The following FAM114A2 variants were observed in gnomAD, a reference collection of about 807,000 sequenced individuals.
FAM114A2 encodes the protein family with sequence similarity 114 member A2, also known as protein FAM114A2.
Under a neutral mutation model 58.4 loss-of-function variants are expected in FAM114A2, and 53 were observed. The observed-to-expected ratio is 0.91, with a 90% CI of 0.73 to 1.14. The LOEUF (loss-of-function observed/expected upper bound fraction) is 1.14, where lower values mean the gene tolerates loss of function less well. Ranked by LOEUF, FAM114A2 falls within the 50% of genes most tolerant of loss-of-function variation. The pLI is 0.00. For synonymous variants in FAM114A2, 228 were observed against 211.4 expected (o/e 1.08, Z -0.68); for missense variants, 601 against 581.1 (o/e 1.03, Z -0.35).
At chr5:154,000,695 G>A (rs947502411) in intron 11 of FAM114A2, among the ~76,000 whole-genome samples, 1 of 152,032 alleles carries the variant, frequency 6.6e-6, no homozygotes. Context: ...ATCTGAGCAG[G>A]CACTCATGCT....
rs1461750105 is a variant in FAM114A2 at position 154,027,330 on chromosome 5, A to G, written c.635T>C (p.Leu212Ser). 3.7e-6 allele frequency: 6 copies of G among 1,609,674 alleles called. No homozygotes were observed. Among genetic ancestry groups the G allele is most frequent in the African/African-American group, 1.3e-5 (1 of 74,576 alleles). Reference sequence around the variant, plus strand: ...CTCTTCTTTCTCCTTCGCCTCTCGTAAAACCTAAAAAGAGATGGAGGCATT... The same window carrying G: ...CTCTTCTTTCTCCTTCGCCTCTCGTGAAACCTAAAAAGAGATGGAGGCATT... Reference protein sequence around the residue: ...MNRNATLSQVLREAKEKEEIR... With the variant: ...MNRNATLSQVSREAKEKEEIR... Residue 212 changes from leucine to serine, a missense_variant, in exon 7 of 14, where the codon TTA (leucine) becomes TCA (serine). Transcript: ENST00000351797.
chr5:154,022,231 A>G (rs988960214), intron 8 of FAM114A2, among the ~76,000 whole-genome samples: 45 of 152,358 alleles, frequency 3.0e-4, no homozygotes, highest in African/African-American at 1.1e-3. Flanking sequence ...ATGGGCAAGG[A>G]CTTCATGACT....
At chr5:154,015,959 C>G (rs529438406) in intron 8 of FAM114A2, among the ~76,000 whole-genome samples, 1 of 152,100 alleles carries the variant, frequency 6.6e-6, no homozygotes, top group Middle Eastern at 3.4e-3. Flanking sequence ...AACGGACGCA[C>G]TTACAGAAAT....
In FAM114A2 at chr5:154,034,384, TC is replaced by T; in HGVS notation, c.211-8del. On this transcript the variant is annotated splice_polypyrimidine_tract_variant and splice_region_variant and intron_variant, in intron 2 of 13. Coordinates refer to ENST00000351797, the MANE Select transcript of FAM114A2 (RefSeq NM_018691.4). ...CATCTTTGGAAACATTATCCTAATT[TC>T]CCAGTAGGCAGAAAAACAAAAGGCA... 6.6e-7 allele frequency: 1 copy of T among 1,525,682 alleles called. No individual in the cohort carries two copies. The allele number at this position is 1,525,682 out of a possible 1,614,324, so 94.5% of individuals were successfully genotyped here.
At chr5:154,002,135 A>AT in intron 11 of FAM114A2, 116 bp downstream of exon 11, 3 of 840,762 alleles carry the variant, frequency 3.6e-6, no homozygotes, top group Non-Finnish European at 5.7e-6. Flanking sequence ...ACCATCTAAT[A>AT]TGTGGATGGG....
rs960983758 is a variant in FAM114A2, at chr5:154,003,023, C to T, written c.994-54G>A. On this transcript the variant is annotated intron_variant, in intron 9 of 13. Transcript: ENST00000351797. The stretch of plus-strand genomic sequence containing the variant: ...AATTCAATTCAGTTTACCAAAATTA[C>T]TGTGCACCTACCAGGAACACAATAG... 9 of 1,550,184 alleles carry T rather than the reference C, an allele frequency of 5.8e-6. No individual in the cohort carries two copies. In the African/African-American group the frequency reaches 1.2e-4, roughly 21 times the overall value.
intron 1 of FAM114A2, among the ~76,000 whole-genome samples, chr5:154,037,995 A>G (rs1016588023): frequency 1.1e-4 from 17 of 152,132 alleles, no homozygotes; most frequent in African/African-American, 4.1e-4. Flanking sequence ...GAATGACTGT[A>G]CCATCTCTTT....
chr5:154,038,811 C>A (rs1038032638), intron 1 of FAM114A2, 46 bp downstream of exon 1: 2 of 152,558 alleles, frequency 1.3e-5, no homozygotes, highest in African/African-American at 2.4e-5. Context: ...CCGGGCCCTG[C>A]CCCTGAACCT....
chr5:154,026,145 T>C (rs1425323585), intron 8 of FAM114A2, among the ~76,000 whole-genome samples: 1 of 152,178 alleles, frequency 6.6e-6, no homozygotes, highest in African/African-American at 2.4e-5. Context: ...GTTGCAAGAT[T>C]AGACCTTGAG....
intron 1 of FAM114A2, chr5:154,037,338 T>G (rs534809702): frequency 6.6e-6 from 1 of 152,178 alleles, no homozygotes; most frequent in Admixed American, 6.5e-5. Context: ...CCAAAACACA[T>G]AGAGAAAAAA....
At chr5:154,014,727 T>C (rs1770915283) in intron 8 of FAM114A2, among the ~76,000 whole-genome samples, 1 of 152,074 alleles carries the variant, frequency 6.6e-6, no homozygotes, top group African/African-American at 2.4e-5. Context: ...CCAGAGGCAC[T>C]GGGAAAAGGC....
At chr5:154,034,235 A>G in intron 3 of FAM114A2, 43 bp downstream of exon 3, 1 of 1,212,742 alleles carries the variant, frequency 8.2e-7, no homozygotes, top group Non-Finnish European at 1.2e-6. Context: ...TCTGTATAAA[A>G]TAAATACACA....
chr5:154,020,231 T>C (rs1315857850), intron 8 of FAM114A2, among the ~76,000 whole-genome samples: 1 of 151,778 alleles, frequency 6.6e-6, no homozygotes. Context: ...ACATCACAAT[T>C]AAAAGAACTA....
chr5:153,993,008 G>A lies in FAM114A2; in HGVS notation c.1486C>T (p.Leu496=). The A allele has an allele frequency of 6.2e-7, 1 of 1,612,912 alleles. No individual in the cohort carries two copies. The highest frequency in any genetic ancestry group is 8.5e-7 in the Non-Finnish European group (1 of 1,179,220). The change falls in exon 14 of 14, where the codon CTG becomes TTG. Residue 496 remains leucine, a synonymous_variant. Transcript: ENST00000351797. Reference sequence around the variant, plus strand: ...TCTAACAAAGGTTTCTGGCCCTGCAGCTCATGTCTGTGTGATTCAATCTTG... The same window carrying A: ...TCTAACAAAGGTTTCTGGCCCTGCAACTCATGTCTGTGTGATTCAATCTTG... The part of the protein sequence containing the change: ...ENKIESHRHE[L]QGQKPLLEH
intron 4 of FAM114A2, among the ~76,000 whole-genome samples, chr5:154,030,104 T>C (rs1435028571): frequency 1.3e-5 from 2 of 152,188 alleles, no homozygotes; most frequent in African/African-American, 2.4e-5. Flanking sequence ...AACAGAAGTA[T>C]ATATACTGAT....
chr5:154,011,847 A>G (rs1770721462), intron 8 of FAM114A2, among the ~76,000 whole-genome samples: 1 of 152,208 alleles, frequency 6.6e-6, no homozygotes, highest in South Asian at 2.1e-4. Context: ...AAGGTGAAAG[A>G]AAGTATGGGA....
At chr5:154,032,241 T>C (rs981363990) in intron 4 of FAM114A2, among the ~76,000 whole-genome samples, 4 of 152,220 alleles carry the variant, frequency 2.6e-5, no homozygotes, top group East Asian at 1.9e-4. Flanking sequence ...GGAAGGTAGA[T>C]TGTTTCTGTG....
chr5:154,002,774 A>G, intron 10 of FAM114A2, 73 bp downstream of exon 10: 2 of 1,499,404 alleles, frequency 1.3e-6, no homozygotes, highest in East Asian at 2.3e-5. Context: ...TAAAAATAGG[A>G]GCCTGGGTCC....
chr5:154,027,936 G>C (rs546454128), intron 6 of FAM114A2, among the ~76,000 whole-genome samples: 24 of 152,212 alleles, frequency 1.6e-4, no homozygotes, highest in African/African-American at 5.3e-4. Context: ...CTGCACTGAT[G>C]GGAGGCTCCT....
Sources: gnomAD v4.1 joint callset for allele counts (sites outside exome capture counted in the v4.1 genomes callset) on GRCh38, gnomAD v4.1.1 for gene constraint, MANE v1.5 for transcripts, NCBI Gene and HGNC (gene_info 2026-07-23, HGNC 2026-07-21) for gene names.